FER: variants seen among roughly 807,000 people sequenced by gnomAD.
The protein encoded by FER is FER tyrosine kinase.
Under a neutral mutation model 111.0 loss-of-function variants are expected in FER, and 63 were observed. The observed-to-expected ratio is 0.57, with a 90% CI of 0.46 to 0.70. The LOEUF (loss-of-function observed/expected upper bound fraction) is 0.70. FER is among the 30% of genes least tolerant of loss of function. The pLI is 0.00. For synonymous variants in FER, 327 were observed against 313.9 expected, an observed-to-expected ratio of 1.04 and a Z score of -0.44; for missense variants, 914 against 954.0, an observed-to-expected ratio of 0.96 and a Z score of 0.55.
At chr5:109,016,168 C>A (rs139552722) in intron 13 of FER, among the ~76,000 whole-genome samples, 160 of 152,024 alleles carry the variant, frequency 1.1e-3, no homozygotes, top group African/African-American at 3.5e-3. Context: ...ATGTTATAGC[C>A]CTGTCAGTAT....
chr5:109,003,648 T>C (rs1224088206), intron 13 of FER, among the ~76,000 whole-genome samples: 2 of 151,296 alleles, frequency 1.3e-5, no homozygotes, highest in African/African-American at 4.8e-5. Context: ...AAAATAAAAA[T>C]ATTTATCCCA....
intron 5 of FER, among the ~76,000 whole-genome samples, chr5:108,840,413 G>A (rs900275635): frequency 1.3e-5 from 2 of 151,650 alleles, no homozygotes; most frequent in African/African-American, 2.4e-5. Flanking sequence ...CATTTCCTTC[G>A]TTGTTGTTGC....
At chr5:108,922,987 A>G (rs1236923973) in intron 10 of FER, among the ~76,000 whole-genome samples, 4 of 152,120 alleles carry the variant, frequency 2.6e-5, no homozygotes, top group Non-Finnish European at 4.4e-5. Context: ...AATATGTGGC[A>G]TCAGCTATTT....
At chr5:108,852,152 A>G (rs1762600608) in intron 5 of FER, among the ~76,000 whole-genome samples, 1 of 152,248 alleles carries the variant, frequency 6.6e-6, no homozygotes, top group Non-Finnish European at 1.5e-5. Context: ...ACCTACTGCT[A>G]GAACTGTGGG....
chr5:108,842,925 A>G (rs1285062458), intron 5 of FER: 1 of 152,280 alleles, frequency 6.6e-6, no homozygotes, highest in Non-Finnish European at 1.5e-5. Context: ...AAAAGAAGTC[A>G]TATGAAAAAG....
intron 17 of FER, among the ~76,000 whole-genome samples, chr5:109,149,432 T>C (rs1754579024): frequency 6.6e-6 from 1 of 152,192 alleles, no homozygotes; most frequent in Non-Finnish European, 1.5e-5. Flanking sequence ...AGAAAACTGC[T>C]CTATTTGAGT....
chr5:109,012,976 C>T (rs941129745), intron 13 of FER, among the ~76,000 whole-genome samples: 13 of 151,474 alleles, frequency 8.6e-5, no homozygotes, highest in Non-Finnish European at 1.8e-4. Context: ...CTTGGCTGAA[C>T]GTGTGGAGCG....
chr5:108,932,958 A>C (rs772079502), intron 10 of FER, among the ~76,000 whole-genome samples: 2 of 151,150 alleles, frequency 1.3e-5, no homozygotes, highest in Non-Finnish European at 2.9e-5. Flanking sequence ...TTTTCTTGTA[A>C]ATTTGTTTAA....
At position 108,872,186 on chromosome 5, in the gene FER, C is replaced by T; in HGVS notation, c.897C>T (p.Asn299=). 1 of 1,609,680 alleles carries T rather than the reference C, an allele frequency of 6.2e-7. No homozygotes were observed. Among genetic ancestry groups the T allele is most frequent in the Non-Finnish European group, 8.5e-7 (1 of 1,178,048 alleles). ...NLQANEIMWN[N]LTAESLQVML... Reference sequence around the variant, plus strand: ...AGGCAAATGAGATCATGTGGAATAACTTAACAGCAGAAAGTTTGCAAGTAA... The same window carrying T: ...AGGCAAATGAGATCATGTGGAATAATTTAACAGCAGAAAGTTTGCAAGTAA... The change falls in exon 8 of 20, where the codon AAC becomes AAT. Residue 299 remains asparagine (N), a synonymous_variant. Coordinates refer to ENST00000281092, the MANE Select transcript of FER (RefSeq NM_005246.4).
chr5:109,092,339 A>G (rs1485718371), intron 16 of FER, among the ~76,000 whole-genome samples: 1 of 150,944 alleles, frequency 6.6e-6, no homozygotes, highest in Non-Finnish European at 1.5e-5. Flanking sequence ...AACCTAAAGA[A>G]TGAGAGAAAA....
rs959061086 is a variant in FER, at chr5:109,195,531, A to G, written c.*7956A>G. On this transcript the variant is annotated 3_prime_UTR_variant, in exon 20 of 20. Coordinates refer to ENST00000281092, the MANE Select transcript of FER (RefSeq NM_005246.4). The stretch of plus-strand genomic sequence containing the variant: ...CCTATGATTCTAAATTCAATCCCCA[A>G]TATAGATTCTAAGCATCAAATCAAA... The G allele has an allele frequency of 2.0e-5, 3 of 152,200 alleles. No homozygotes were observed. Among genetic ancestry groups the G allele is most frequent in the Non-Finnish European group, 4.4e-5 (3 of 68,032 alleles). 9.4% of individuals were successfully genotyped at this position (152,200 alleles called of 1,614,324 possible). A position where few individuals can be genotyped will look rare whatever the true frequency, so the allele number is the denominator to read the frequency against.
At chr5:109,150,571 G>C (rs961730584) in intron 17 of FER, among the ~76,000 whole-genome samples, 1 of 152,306 alleles carries the variant, frequency 6.6e-6, no homozygotes, top group Non-Finnish European at 1.5e-5. Flanking sequence ...CTAGGAACTA[G>C]GTGGTCAGCA....
chr5:109,185,788 CATG>C (rs1028757324), intron 18 of FER, among the ~76,000 whole-genome samples: 16 of 152,288 alleles, frequency 1.1e-4, no homozygotes, highest in African/African-American at 3.4e-4. Context: ...TAAATACAGT[CATG>C]TATCGCTTAA....
chr5:109,144,355 G>A (rs1753837133), intron 17 of FER, among the ~76,000 whole-genome samples: 1 of 152,034 alleles, frequency 6.6e-6, no homozygotes, highest in Non-Finnish European at 1.5e-5. Flanking sequence ...TTCTGGATTG[G>A]TGATGTCCTT....
At chr5:109,013,809 G>T (rs1766655826) in intron 13 of FER, among the ~76,000 whole-genome samples, 1 of 149,408 alleles carries the variant, frequency 6.7e-6, no homozygotes, top group Non-Finnish European at 1.5e-5. Context: ...TTGTGGTTTT[G>T]ATTTGCATTT....
chr5:108,867,553 C>T (rs1027584957), intron 5 of FER, among the ~76,000 whole-genome samples: 4 of 143,660 alleles, frequency 2.8e-5, no homozygotes, highest in African/African-American at 7.9e-5. Flanking sequence ...ATTTAGTATC[C>T]TACATGCCTC....
chr5:109,193,525 A>C lies in FER; in HGVS notation c.*5950A>C, dbSNP rs1430929518. 1.3e-5 allele frequency: 2 copies of C among 152,178 alleles called. No individual in the cohort carries two copies. Among genetic ancestry groups the C allele is most frequent in the Non-Finnish European group, 2.9e-5 (2 of 68,026 alleles). The allele number at this position is 152,178 out of a possible 1,614,324, so 9.4% of individuals were successfully genotyped here. On this transcript the variant is annotated 3_prime_UTR_variant, in exon 20 of 20. Coordinates refer to ENST00000281092, the MANE Select transcript of FER (RefSeq NM_005246.4). ...AATATTACTGAGGCCAGCAAGATGCAAGTGTTCTACAAAATAATGAACTGT... is the reference window on the plus strand; with the variant it reads ...AATATTACTGAGGCCAGCAAGATGCCAGTGTTCTACAAAATAATGAACTGT...
chr5:108,824,156 GTATTA>G (rs1759193880), intron 3 of FER, among the ~76,000 whole-genome samples: 1 of 151,988 alleles, frequency 6.6e-6, no homozygotes. Context: ...TTTTATGCTA[GTATTA>G]TATTATTTTG....
intron 5 of FER, among the ~76,000 whole-genome samples, chr5:108,836,500 T>G (rs573838338): frequency 6.6e-6 from 1 of 152,154 alleles, no homozygotes; most frequent in African/African-American, 2.4e-5. Context: ...TATTTATACA[T>G]TTTTTCTTTA....
Sources: allele counts gnomAD v4.1 joint callset (sites outside exome capture counted in the v4.1 genomes callset), GRCh38; gene constraint gnomAD v4.1.1; transcripts MANE v1.5; gene names NCBI Gene and HGNC (gene_info 2026-07-23, HGNC 2026-07-21).